DENND2B: variants seen among roughly 807,000 people sequenced by gnomAD.
The protein encoded by DENND2B is DENN domain-containing protein 2B.
Under a neutral mutation model 116.0 loss-of-function variants are expected in DENND2B, and 32 were observed. The ratio of observed to expected loss-of-function variants is 0.28; its 90% CI spans 0.21 to 0.37. DENND2B has a LOEUF of 0.37. Ranked by LOEUF, DENND2B falls within the 10% of genes least tolerant of loss-of-function variation. DENND2B has a pLI of 1.00. For synonymous variants in DENND2B, 588 were observed against 583.9 expected (o/e 1.01, Z -0.10); for missense variants, 1,276 against 1,477.7 (o/e 0.86, Z 2.24).
intron 2 of DENND2B, among the ~76,000 whole-genome samples, chr11:8,745,135 G>T (rs531013567): frequency 6.6e-6 from 1 of 152,046 alleles, no homozygotes; most frequent in East Asian, 1.9e-4. Context: ...GCCCAGGCTG[G>T]TCTTGAATTC....
upstream of DENND2B, among the ~76,000 whole-genome samples, chr11:8,813,611 T>C (rs969864346): frequency 1.3e-5 from 2 of 152,160 alleles, no homozygotes; most frequent in African/African-American, 4.8e-5. Context: ...AGTTAACACT[T>C]GTTGAGCACC....
intron 2 of DENND2B, among the ~76,000 whole-genome samples, chr11:8,880,832 G>C (rs909513526): frequency 6.6e-6 from 1 of 152,094 alleles, no homozygotes; most frequent in Non-Finnish European, 1.5e-5. Flanking sequence ...TCCCAAGCCT[G>C]TCTCTTCCCA....
chr11:8,773,033 C>G (rs1168825496), intron 1 of DENND2B, among the ~76,000 whole-genome samples: 1 of 152,158 alleles, frequency 6.6e-6, no homozygotes, highest in Non-Finnish European at 1.5e-5. Context: ...TACACAAATC[C>G]AGCTTTACAT....
intron 1 of DENND2B, among the ~76,000 whole-genome samples, chr11:8,765,308 T>G (rs1418525922): frequency 6.6e-6 from 1 of 152,202 alleles, no homozygotes; most frequent in Non-Finnish European, 1.5e-5. Context: ...CTTGGCAGTT[T>G]CAGGTCTGTG....
chr11:8,715,524 A>T, intron 6 of DENND2B, 79 bp downstream of exon 6: 1 of 1,461,420 alleles, frequency 6.8e-7, no homozygotes, highest in Non-Finnish European at 9.5e-7. Context: ...GAAGGAAGGA[A>T]GCCAGGAAAG....
At chr11:8,842,534 T>C (rs1241697872) in intron 3 of DENND2B, among the ~76,000 whole-genome samples, 2 of 152,228 alleles carry the variant, frequency 1.3e-5, no homozygotes, top group Non-Finnish European at 2.9e-5. Context: ...CTCGTGTTTC[T>C]GTGTGGTATC....
intron 2 of DENND2B, among the ~76,000 whole-genome samples, chr11:8,861,343 A>T (rs1988709): frequency 0.34 from 51,659 of 152,082 alleles, 10,473 homozygotes; most frequent in Non-Finnish European, 0.44. Flanking sequence ...CAAGAAAAAA[A>T]CACTCCCATC....
At chr11:8,739,233 G>A (rs994339242) in intron 2 of DENND2B, among the ~76,000 whole-genome samples, 1 of 152,178 alleles carries the variant, frequency 6.6e-6, no homozygotes, top group Non-Finnish European at 1.5e-5. Flanking sequence ...AACAGAGAAA[G>A]GTACACGAAG....
intron 6 of DENND2B, 72 bp from the exon 7 acceptor site, chr11:8,714,778 G>A (rs1349580521): frequency 7.6e-7 from 1 of 1,317,186 alleles, no homozygotes; most frequent in East Asian, 2.3e-5. Flanking sequence ...GGCTGAGTAG[G>A]AGCCCATCCC....
chr11:8,697,566 T>A lies in DENND2B; in HGVS notation c.3011A>T (p.Asn1004Ile). ...GTCAGAGTCCTGGGAGATCAGCTCA[T>A]TCTTCCTCTCCAGAGCCTGCTCCAG... ...AALEQALERK[N>I]ELISQDSDSD... Residue 1004 changes from asparagine (N) to isoleucine (I), a missense_variant, in exon 17 of 20, where the codon AAT becomes ATT. Physicochemically the swap from Asn to Ile is moderately radical, Grantham distance 149. Transcript: ENST00000313726. 6.2e-7 allele frequency: 1 copy of A among 1,614,202 alleles called. No homozygotes were observed. Among genetic ancestry groups the A allele is most frequent in the Non-Finnish European group, 8.5e-7 (1 of 1,179,998 alleles).
chr11:8,754,787 A>G (rs919982426), intron 1 of DENND2B, among the ~76,000 whole-genome samples: 5 of 152,256 alleles, frequency 3.3e-5, no homozygotes, highest in African/African-American at 1.2e-4. Flanking sequence ...ATAAACCTTG[A>G]TTCCACTTTT....
chr11:8,802,779 C>T (rs529570777), intron 1 of DENND2B, among the ~76,000 whole-genome samples: 13 of 152,122 alleles, frequency 8.5e-5, no homozygotes, highest in Non-Finnish European at 1.5e-4. Context: ...CAAATAAGTA[C>T]CCCAAACATC....
chr11:8,868,672 AAGAG>A (rs1224861476), intron 2 of DENND2B, among the ~76,000 whole-genome samples: 2 of 152,358 alleles, frequency 1.3e-5, no homozygotes, highest in Middle Eastern at 3.4e-3. Context: ...TGAAGGATGA[AAGAG>A]AGAGCTGGCA....
intron 1 of DENND2B, among the ~76,000 whole-genome samples, chr11:8,765,691 AT>A (rs34422931): frequency 6.6e-6 from 1 of 151,066 alleles, no homozygotes; most frequent in African/African-American, 2.4e-5. Flanking sequence ...TTCTTGTATC[AT>A]TTTTTTTTCA....
intron 4 of DENND2B, chr11:8,830,866 TCA>T (rs1464502264): frequency 1.3e-5 from 2 of 152,256 alleles, no homozygotes; most frequent in African/African-American, 4.8e-5. Flanking sequence ...CAACAGCTGC[TCA>T]CAGTGCCTGA....
At chr11:8,859,799 A>C (rs2063333538) in intron 2 of DENND2B, among the ~76,000 whole-genome samples, 1 of 152,162 alleles carries the variant, frequency 6.6e-6, no homozygotes, top group South Asian at 2.1e-4. Flanking sequence ...AGAGACAGGC[A>C]TGCTGACCAA....
chr11:8,742,252 T>C lies in DENND2B; in HGVS notation c.80+8369A>G, dbSNP rs2133994085. On this transcript the variant is annotated intron_variant, in intron 2 of 19. Coordinates refer to ENST00000313726, the MANE Select transcript of DENND2B (RefSeq NM_213618.2). ...GACATCATGGAGCAGGGGCAAGCCA[T>C]CCCTGCAGTGCTCTGTCTGAATTCC... is the stretch of plus-strand genomic sequence containing the variant. Among the ~76,000 whole-genome samples, 3 of 152,298 alleles carry C rather than the reference T, an allele frequency of 2.0e-5. No individual in the cohort carries two copies. The Middle Eastern group carries it at 0.01, about 518-fold the overall frequency.
At chr11:8,774,114 G>C (rs2057306740) in intron 1 of DENND2B, 9 of 985,308 alleles carry the variant, frequency 9.1e-6, no homozygotes, top group Admixed American at 6.2e-5. Flanking sequence ...TGCATGCAAA[G>C]GACTTACCAC....
At chr11:8,781,144 G>T (rs1355540128) in intron 1 of DENND2B, among the ~76,000 whole-genome samples, 2 of 152,230 alleles carry the variant, frequency 1.3e-5, no homozygotes, top group Non-Finnish European at 2.9e-5. Flanking sequence ...GGGACTGTGA[G>T]GCCGGAGCAT....
Sources: allele counts gnomAD v4.1 joint callset (sites outside exome capture counted in the v4.1 genomes callset), GRCh38; gene constraint gnomAD v4.1.1; transcripts MANE v1.5; gene names NCBI Gene and HGNC (gene_info 2026-07-23, HGNC 2026-07-21).